Variants in BAX observed in about 807,000 individuals in gnomAD.
BAX encodes the protein apoptosis regulator BAX.
In BAX, 21 loss-of-function variants were observed where a neutral mutation model predicts 26.8. The observed-to-expected ratio is 0.78, with a 90% confidence interval of 0.56 to 1.13. The LOEUF (loss-of-function observed/expected upper bound fraction) is 1.13, where lower values mean the gene tolerates loss of function less well. Ranked by LOEUF, BAX falls within the 50% of genes most tolerant of loss-of-function variation. The pLI is 0.00. For missense variants in BAX, 236 were observed against 254.6 expected (o/e 0.93, Z 0.50); for synonymous variants, 110 against 101.8 (o/e 1.08, Z -0.49).
chr19:48,955,666 C>G, intron 2 of BAX, 21 bp from the exon 3 acceptor site: 1 of 1,611,990 alleles, frequency 6.2e-7, no homozygotes, highest in Non-Finnish European at 8.5e-7. Flanking sequence ...ATTCTGCACC[C>G]TCACTCCATC....
chr19:48,956,450 G>C, intron 4 of BAX, 117 bp downstream of exon 4: 1 of 1,170,712 alleles, frequency 8.5e-7, no homozygotes, highest in African/African-American at 1.6e-5. Flanking sequence ...CATGGAGAGA[G>C]ATGGCTGTGC....
At position 48,956,203 on chromosome 19, in the gene BAX, T is replaced by C; in HGVS notation, c.239T>C (p.Ile80Thr). 1.3e-6 allele frequency: 2 copies of C among 1,533,778 alleles called. No homozygotes were observed. The highest frequency in any genetic ancestry group is 1.8e-6 in the Non-Finnish European group (2 of 1,140,464). ...GGTTCTCCTCTCTCCTGCAGGATGATTGCCGCCGTGGACACAGACTCCCCC... is the reference window on the plus strand; with the variant it reads ...GGTTCTCCTCTCTCCTGCAGGATGACTGCCGCCGTGGACACAGACTCCCCC... Reference protein sequence around the residue: ...LDSNMELQRMIAAVDTDSPRE... With the variant: ...LDSNMELQRMTAAVDTDSPRE... The change falls in exon 4 of 6, where the codon ATT becomes ACT. Residue 80 changes from isoleucine (I) to threonine (T), a missense_variant. Ile to Thr is a moderately conservative substitution (Grantham distance 89). Transcript: ENST00000345358.
chr19:48,958,788 G>T (rs1387924807), intron 4 of BAX, among the ~76,000 whole-genome samples: 1 of 151,684 alleles, frequency 6.6e-6, no homozygotes, highest in Non-Finnish European at 1.5e-5. Flanking sequence ...CAGGTGATCC[G>T]CCTGCCTCGG....
chr19:48,956,309 C>T lies in BAX; in HGVS notation c.345C>T (p.Tyr115=). ...FNWGRVVALF[Y]FASKLVLKAL... ...GGGGCCGGGTTGTCGCCCTTTTCTA[C>T]TTTGCCAGCAAACTGGTGCTCAAGG... is the stretch of plus-strand genomic sequence containing the variant. Residue 115 remains tyrosine, a synonymous_variant, in exon 4 of 6, where the codon TAC becomes TAT. Transcript: ENST00000345358. 6.3e-7 allele frequency: 1 copy of T among 1,578,516 alleles called. No homozygotes were observed. Among genetic ancestry groups the T allele is most frequent in the Non-Finnish European group, 8.6e-7 (1 of 1,163,556 alleles).
At chr19:48,958,847 G>C (rs1036149391) in intron 4 of BAX, among the ~76,000 whole-genome samples, 12 of 150,120 alleles carry the variant, frequency 8.0e-5, no homozygotes, top group African/African-American at 2.9e-4. Context: ...GCTCAGCTGA[G>C]AGGGATATTT....
chr19:48,957,374 A>C (rs2038183447), intron 4 of BAX, among the ~76,000 whole-genome samples: 1 of 135,154 alleles, frequency 7.4e-6, no homozygotes, highest in African/African-American at 2.8e-5. Context: ...TCCCGGGTTC[A>C]AGTGACTCTC....
intron 4 of BAX, among the ~76,000 whole-genome samples, chr19:48,959,660 C>CAA (rs1229929205): frequency 1.2e-4 from 11 of 94,624 alleles, no homozygotes; most frequent in African/African-American, 1.9e-4. Flanking sequence ...ACTAAAAATT[C>CAA]AAAAAAAAAA....
At chr19:48,955,992 T>C in intron 3 of BAX, 159 bp downstream of exon 3, 1 of 1,153,750 alleles carries the variant, frequency 8.7e-7, no homozygotes, top group Non-Finnish European at 1.2e-6. Context: ...TGCCAGGATC[T>C]TAAAACCCTC....
intron 4 of BAX, among the ~76,000 whole-genome samples, chr19:48,959,505 A>T (rs1276553371): frequency 1.9e-5 from 2 of 102,758 alleles, no homozygotes; most frequent in African/African-American, 8.1e-5. Context: ...ATGGGAATTT[A>T]AAAAATTAAA....
In BAX at chr19:48,960,926, C is replaced by G; in HGVS notation, c.474+12C>G. ...ACCAGGGTGGTTGGGTGAGACTCCTCAAGCCTCCTCACCCCCACCACCGCG... is the reference window on the plus strand; with the variant it reads ...ACCAGGGTGGTTGGGTGAGACTCCTGAAGCCTCCTCACCCCCACCACCGCG... On this transcript the variant is annotated intron_variant, in intron 5 of 5. Coordinates refer to ENST00000345358, the MANE Select transcript of BAX (RefSeq NM_138761.4). 6.2e-7 allele frequency: 1 copy of G among 1,613,780 alleles called. No individual in the cohort carries two copies. Among genetic ancestry groups the G allele is most frequent in the Non-Finnish European group, 8.5e-7 (1 of 1,179,912 alleles).
intron 4 of BAX, among the ~76,000 whole-genome samples, chr19:48,957,300 A>G (rs2038180589): frequency 1.1e-5 from 1 of 91,086 alleles, no homozygotes; most frequent in African/African-American, 4.3e-5. Flanking sequence ...TTTGAGACAG[A>G]GTCTCACTTT....
At chr19:48,957,622 G>A (rs2038192534) in intron 4 of BAX, among the ~76,000 whole-genome samples, 1 of 152,096 alleles carries the variant, frequency 6.6e-6, no homozygotes, top group Non-Finnish European at 1.5e-5. Flanking sequence ...TGATTGGCTG[G>A]TTTTAAATAC....
intron 3 of BAX, 133 bp from the exon 4 acceptor site, chr19:48,956,065 G>T: frequency 4.8e-6 from 6 of 1,254,558 alleles, no homozygotes; most frequent in Non-Finnish European, 6.5e-6. Flanking sequence ...CTTGTCCCCC[G>T]TTGGCCTGTT....
rs755625957 is a variant in BAX at position 48,960,765 on chromosome 19, G to A, written c.370-45G>A. 3 of 1,497,542 alleles carry A rather than the reference G, an allele frequency of 2.0e-6. No individual in the cohort carries two copies. The South Asian group carries it at 3.6e-5, about 18-fold the overall frequency. 92.8% of individuals were successfully genotyped at this position (1,497,542 alleles called of 1,614,324 possible). A position where few individuals can be genotyped will look rare whatever the true frequency, so the allele number is the denominator to read the frequency against. ...GGTTTGGGGCCACTATCTCCAGGCAGTGGGGACAAGGTTCAGTCCCTAACG... is the reference window on the plus strand; with the variant it reads ...GGTTTGGGGCCACTATCTCCAGGCAATGGGGACAAGGTTCAGTCCCTAACG... On this transcript the variant is annotated intron_variant, in intron 4 of 5. Transcript: ENST00000345358.
At chr19:48,958,335 T>A (rs973672651) in intron 4 of BAX, among the ~76,000 whole-genome samples, 1 of 148,404 alleles carries the variant, frequency 6.7e-6, no homozygotes. Context: ...GGGATATTTC[T>A]TTTTGGAAGA....
At chr19:48,957,050 G>A (rs535570929) in intron 4 of BAX, among the ~76,000 whole-genome samples, 1 of 150,392 alleles carries the variant, frequency 6.6e-6, no homozygotes, top group East Asian at 2.0e-4. Context: ...GAAGCATGCA[G>A]TGATCTATAG....
rs1440535399 is a variant in BAX at position 48,961,540 on chromosome 19, C to T, written c.483C>T (p.Leu161=). The T allele has an allele frequency of 6.2e-7, 1 of 1,608,868 alleles. No homozygotes were observed. Among genetic ancestry groups the T allele is most frequent in the Non-Finnish European group, 8.5e-7 (1 of 1,177,588 alleles). Residue 161 remains leucine, a synonymous_variant, in exon 6 of 6, where the codon CTC becomes CTT. Transcript: ENST00000345358. ...GATGTCCCTGTCTCCAGGACGGCCTCCTCTCCTACTTTGGGACGCCCACGT... is the reference window on the plus strand; with the variant it reads ...GATGTCCCTGTCTCCAGGACGGCCTTCTCTCCTACTTTGGGACGCCCACGT... ...WIQDQGGWDG[L]LSYFGTPTWQ...
chr19:48,957,187 G>T (rs2038169023), intron 4 of BAX, among the ~76,000 whole-genome samples: 1 of 150,356 alleles, frequency 6.7e-6, no homozygotes, highest in African/African-American at 2.4e-5. Flanking sequence ...ACTGGGGAGA[G>T]GGTGGGAAAG....
chr19:48,955,969 C>A, intron 3 of BAX, 136 bp downstream of exon 3: 1 of 1,191,162 alleles, frequency 8.4e-7, no homozygotes, highest in Non-Finnish European at 1.1e-6. Context: ...TCCGGACTCC[C>A]AGCCCTCCTC....
Sources: allele counts gnomAD v4.1 joint callset (sites outside exome capture counted in the v4.1 genomes callset), GRCh38; gene constraint gnomAD v4.1.1; transcripts MANE v1.5; gene names NCBI Gene and HGNC (gene_info 2026-07-23, HGNC 2026-07-21).